The following TMEM232 variants were observed in gnomAD, a reference collection of about 807,000 sequenced individuals.
The protein encoded by TMEM232 is transmembrane protein 232.
TMEM232 carries 80 observed loss-of-function variants against 78.8 expected under a neutral mutation model. That is an observed-to-expected ratio of 1.01 (90% CI 0.85 to 1.22). The LOEUF is 1.22. Among genes scored for constraint, TMEM232 ranks in the 50% most tolerant of loss-of-function variants. The probability of loss-of-function intolerance (pLI) is 0.00; values close to 1 mark genes in which losing one functional copy is unlikely to be tolerated. For synonymous variants in TMEM232, 297 were observed against 254.3 expected (o/e 1.17, Z -1.60); for missense variants, 881 against 742.2 (o/e 1.19, Z -2.17).
At chr5:110,698,101 C>G (rs1226400570) in intron 1 of TMEM232, among the ~76,000 whole-genome samples, 1 of 151,976 alleles carries the variant, frequency 6.6e-6, no homozygotes, top group African/African-American at 2.4e-5. Flanking sequence ...GGAATACTAT[C>G]CAGCCATAAA....
chr5:110,700,786 GTAGATAGA>G (rs34938658), intron 1 of TMEM232, among the ~76,000 whole-genome samples: 3,992 of 142,572 alleles, frequency 0.028, 60 homozygotes, highest in African/African-American at 0.038. Context: ...AGATAGATAG[GTAGATAGA>G]TAGATAGATA....
At chr5:110,591,434 A>T (rs1475359529) in intron 10 of TMEM232, among the ~76,000 whole-genome samples, 1 of 152,194 alleles carries the variant, frequency 6.6e-6, no homozygotes, top group Non-Finnish European at 1.5e-5. Flanking sequence ...ATAAAGTAAG[A>T]TTCCTCCAGA....
chr5:110,673,675 A>C (rs1392448540), intron 1 of TMEM232, among the ~76,000 whole-genome samples: 2 of 152,176 alleles, frequency 1.3e-5, no homozygotes, highest in African/African-American at 4.8e-5. Context: ...GATTTGGCTC[A>C]CTGTTGATTG....
chr5:110,599,445 A>G (rs1780619840), intron 10 of TMEM232, among the ~76,000 whole-genome samples: 2 of 152,196 alleles, frequency 1.3e-5, no homozygotes, highest in Admixed American at 1.3e-4. Context: ...GCAAAGACAC[A>G]CATAGGCTCA....
intron 1 of TMEM232, among the ~76,000 whole-genome samples, chr5:110,673,330 T>C (rs572283412): frequency 6.6e-6 from 1 of 151,748 alleles, no homozygotes; most frequent in African/African-American, 2.4e-5. Flanking sequence ...GGAGGGATAG[T>C]ATTAGGAGAT....
chr5:110,394,977 G>A (rs7714521), intron 3 of TMEM232, among the ~76,000 whole-genome samples: 13,708 of 152,050 alleles, frequency 0.09, 790 homozygotes, highest in South Asian at 0.17. Flanking sequence ...GGCATTCTCT[G>A]TTGTTTTGCT....
chr5:110,645,456 CA>C (rs376898101), intron 2 of TMEM232, among the ~76,000 whole-genome samples: 5,891 of 105,606 alleles, frequency 0.056, 275 homozygotes, highest in African/African-American at 0.16. Context: ...ACCATATTAC[CA>C]AAAAAAAAAA....
chr5:110,650,601 T>A (rs1216632853), intron 2 of TMEM232, among the ~76,000 whole-genome samples: 3 of 152,076 alleles, frequency 2.0e-5, no homozygotes, highest in African/African-American at 7.2e-5. Flanking sequence ...GAGAAAAACA[T>A]CAGAAAAATT....
At chr5:110,558,607 C>T (rs1677892448) in intron 11 of TMEM232, among the ~76,000 whole-genome samples, 1 of 152,038 alleles carries the variant, frequency 6.6e-6, no homozygotes, top group East Asian at 1.9e-4. Flanking sequence ...ATAAGACTAG[C>T]CTCATCCCAC....
At chr5:110,393,482 A>G (rs1755276642) in intron 3 of TMEM232, among the ~76,000 whole-genome samples, 1 of 152,160 alleles carries the variant, frequency 6.6e-6, no homozygotes, top group African/African-American at 2.4e-5. Context: ...TTTGCATAGT[A>G]TATCCTTTTT....
At chr5:110,680,740 T>C (rs1289613594) in intron 1 of TMEM232, among the ~76,000 whole-genome samples, 1 of 151,870 alleles carries the variant, frequency 6.6e-6, no homozygotes, top group Non-Finnish European at 1.5e-5. Flanking sequence ...AATCAGAAAA[T>C]CTGTGTTAAA....
At chr5:110,468,257 G>A (rs1762299695) in intron 12 of TMEM232, among the ~76,000 whole-genome samples, 1 of 151,886 alleles carries the variant, frequency 6.6e-6, no homozygotes, top group Non-Finnish European at 1.5e-5. Context: ...TATCTTCCCA[G>A]TGAAAATAAA....
intron 12 of TMEM232, among the ~76,000 whole-genome samples, chr5:110,519,954 C>T (rs1013149480): frequency 3.3e-5 from 5 of 150,116 alleles, no homozygotes; most frequent in African/African-American, 1.2e-4. Context: ...AGAATGATGG[C>T]TACTAGAAGT....
chr5:110,719,275 A>G (rs1797347120), intron 1 of TMEM232, among the ~76,000 whole-genome samples: 1 of 152,034 alleles, frequency 6.6e-6, no homozygotes, highest in Non-Finnish European at 1.5e-5. Context: ...TGCTGTATAT[A>G]TATATACACA....
chr5:110,589,413 G>C (rs1779233237), intron 10 of TMEM232, among the ~76,000 whole-genome samples: 1 of 152,112 alleles, frequency 6.6e-6, no homozygotes, highest in South Asian at 2.1e-4. Flanking sequence ...AATGCTATAG[G>C]ATAATGACTG....
intron 10 of TMEM232, among the ~76,000 whole-genome samples, chr5:110,575,021 G>C (rs1435598507): frequency 6.6e-6 from 1 of 151,870 alleles, no homozygotes; most frequent in African/African-American, 2.4e-5. Context: ...GTAGTCATGA[G>C]GACTCTTGAA....
intron 3 of TMEM232, among the ~76,000 whole-genome samples, chr5:110,641,629 A>G (rs182931139): frequency 2.6e-5 from 4 of 152,328 alleles, no homozygotes; most frequent in Admixed American, 2.6e-4. Context: ...ACTGGAAAAT[A>G]ACACCACTAC....
intron 12 of TMEM232, among the ~76,000 whole-genome samples, chr5:110,481,358 G>A (rs1022757458): frequency 7.2e-5 from 11 of 152,046 alleles, no homozygotes; most frequent in Non-Finnish European, 4.4e-5. Flanking sequence ...TCCTAGATCT[G>A]TTGTTGAAGA....
chr5:110,436,926 G>T (rs1310042156), intron 12 of TMEM232, among the ~76,000 whole-genome samples: 1 of 151,826 alleles, frequency 6.6e-6, no homozygotes, highest in African/African-American at 2.4e-5. Context: ...GATGGCTTTG[G>T]CTATTCTGGG....
Sources: gnomAD v4.1 joint callset for allele counts (sites outside exome capture counted in the v4.1 genomes callset) on GRCh38, gnomAD v4.1.1 for gene constraint, MANE v1.5 for transcripts, NCBI Gene and HGNC (gene_info 2026-07-23, HGNC 2026-07-21) for gene names.